The following TASP1 variants were observed in gnomAD, a reference collection of about 807,000 sequenced individuals.
The protein encoded by TASP1 is taspase 1.
Under a neutral mutation model 56.6 loss-of-function variants are expected in TASP1, and 16 were observed. That is an observed-to-expected ratio of 0.28 (90% confidence interval 0.19 to 0.43). The LOEUF (loss-of-function observed/expected upper bound fraction) is 0.43, where lower values mean the gene tolerates loss of function less well. Ranked by LOEUF, TASP1 falls within the 20% of genes least tolerant of loss-of-function variation. The pLI is 1.00. For missense variants in TASP1, 393 were observed against 511.6 expected, an observed-to-expected ratio of 0.77 and a Z score of 2.24; for synonymous variants, 179 against 184.2, an observed-to-expected ratio of 0.97 and a Z score of 0.23.
the TASP1 span, among the ~76,000 whole-genome samples, chr20:13,363,538 C>G: frequency 6.6e-6 from 1 of 152,116 alleles, no homozygotes; most frequent in Non-Finnish European, 1.5e-5. Flanking sequence ...GCAAATTAAT[C>G]AAAACAAAAG....
chr20:13,504,226 G>GCC (rs1555774301), intron 10 of TASP1, among the ~76,000 whole-genome samples: 1 of 151,708 alleles, frequency 6.6e-6, no homozygotes, highest in Non-Finnish European at 1.5e-5. Context: ...TCACATACAA[G>GCC]AAAATTCCCA....
chr20:13,228,253 G>A, the TASP1 span, among the ~76,000 whole-genome samples: 2 of 151,964 alleles, frequency 1.3e-5, no homozygotes, highest in Admixed American at 1.3e-4. Flanking sequence ...GATTACAGGT[G>A]TGAGCCACTG....
intron 12 of TASP1, among the ~76,000 whole-genome samples, chr20:13,418,205 C>T (rs1025518554): frequency 1.2e-4 from 18 of 152,172 alleles, no homozygotes; most frequent in Non-Finnish European, 2.6e-4. Flanking sequence ...AGCCACCGCA[C>T]CCAGCCCTTA....
intron 8 of TASP1, 114 bp downstream of exon 8, chr20:13,558,894 C>T: frequency 5.5e-6 from 3 of 545,820 alleles, no homozygotes; most frequent in Non-Finnish European, 9.1e-6. Context: ...CTTTAAAGTA[C>T]ATATGTGACA....
intron 3 of TASP1, among the ~76,000 whole-genome samples, chr20:13,624,192 G>C (rs1215222506): frequency 6.6e-6 from 1 of 151,996 alleles, no homozygotes; most frequent in African/African-American, 2.4e-5. Context: ...CAAAAACTAA[G>C]AACTGTATTC....
At chr20:13,270,472 T>G in the TASP1 span, 2 of 1,586,900 alleles carry the variant, frequency 1.3e-6, no homozygotes, top group East Asian at 2.3e-5. Context: ...ATGTGTCTCC[T>G]TAACAGGTGT....
intron 11 of TASP1, among the ~76,000 whole-genome samples, chr20:13,457,658 T>C (rs1229220907): frequency 6.6e-6 from 1 of 152,180 alleles, no homozygotes; most frequent in Non-Finnish European, 1.5e-5. Flanking sequence ...TACAGTTTCT[T>C]AAATAGTCAT....
chr20:13,262,361 C>T, the TASP1 span, among the ~76,000 whole-genome samples: 1 of 152,158 alleles, frequency 6.6e-6, no homozygotes, highest in Non-Finnish European at 1.5e-5. Flanking sequence ...TGGCCTCACA[C>T]CACAAGGGCT....
chr20:13,454,529 C>A (rs1190052086), intron 11 of TASP1, among the ~76,000 whole-genome samples: 1 of 152,164 alleles, frequency 6.6e-6, no homozygotes, highest in Non-Finnish European at 1.5e-5. Flanking sequence ...TGACTGAGGA[C>A]TGAAGCCAGG....
intron 13 of TASP1, among the ~76,000 whole-genome samples, chr20:13,395,063 C>T (rs893753016): frequency 6.6e-6 from 1 of 152,174 alleles, no homozygotes; most frequent in African/African-American, 2.4e-5. Flanking sequence ...TCCAAGACCA[C>T]CTTAGAAACT....
chr20:13,286,077 A>C, the TASP1 span, among the ~76,000 whole-genome samples: 12 of 152,146 alleles, frequency 7.9e-5, no homozygotes. Context: ...TGACTTACTC[A>C]TTCCCCCTTT....
the TASP1 span, among the ~76,000 whole-genome samples, chr20:13,149,170 A>G: frequency 6.6e-6 from 1 of 152,194 alleles, no homozygotes; most frequent in African/African-American, 2.4e-5. Context: ...TCATTCACTT[A>G]TTTATGTGAG....
At chr20:13,163,045 C>T in the TASP1 span, among the ~76,000 whole-genome samples, 1 of 152,064 alleles carries the variant, frequency 6.6e-6, no homozygotes, top group African/African-American at 2.4e-5. Flanking sequence ...ATAAGAGACA[C>T]ACAAATAAAA....
At chr20:13,206,134 AG>A in the TASP1 span, among the ~76,000 whole-genome samples, 1 of 151,952 alleles carries the variant, frequency 6.6e-6, no homozygotes, top group African/African-American at 2.4e-5. Context: ...GTCTGCAACA[AG>A]CTACTTCAGA....
the TASP1 span, among the ~76,000 whole-genome samples, chr20:13,281,009 A>AT: frequency 2.0e-5 from 3 of 152,238 alleles, no homozygotes; most frequent in Non-Finnish European, 4.4e-5. Flanking sequence ...CTTAATCCCC[A>AT]TTTTTCAACA....
chr20:13,499,268 A>G (rs1430792799), intron 10 of TASP1, among the ~76,000 whole-genome samples: 2 of 152,136 alleles, frequency 1.3e-5, no homozygotes, highest in African/African-American at 4.8e-5. Flanking sequence ...TTGGGTATAT[A>G]TGGTCATAAA....
chr20:13,430,052 G>A (rs984539723), intron 12 of TASP1, among the ~76,000 whole-genome samples: 2 of 152,030 alleles, frequency 1.3e-5, no homozygotes, highest in African/African-American at 4.8e-5. Flanking sequence ...GGAGGTGAGG[G>A]AAACTTGATT....
rs1039572382 is a variant in TASP1, at chr20:13,513,986, C to T, written c.874+14447G>A. ...ATATTTCCATATCCCACAAAATTTA[C>T]TTTTGCATGAGAAGGAAAGCATAAC... On this transcript the variant is annotated intron_variant, in intron 10 of 13. Coordinates refer to ENST00000337743, the MANE Select transcript of TASP1 (RefSeq NM_017714.3). 2.6e-5 allele frequency among the ~76,000 whole-genome samples: 4 copies of T among 152,060 alleles called. No homozygotes were observed. In the East Asian group the frequency reaches 5.8e-4, roughly 22 times the overall value.
At chr20:13,235,538 G>A in the TASP1 span, among the ~76,000 whole-genome samples, 2 of 152,214 alleles carry the variant, frequency 1.3e-5, no homozygotes, top group African/African-American at 2.4e-5. Context: ...GTCAGGCCAA[G>A]AGAAAGGGTG....
Sources: gnomAD v4.1 joint callset for allele counts (sites outside exome capture counted in the v4.1 genomes callset) on GRCh38, gnomAD v4.1.1 for gene constraint, MANE v1.5 for transcripts, NCBI Gene and HGNC (gene_info 2026-07-23, HGNC 2026-07-21) for gene names.